The following RHOXF1 variants were observed in gnomAD, a reference collection of about 807,000 sequenced individuals.
The protein encoded by RHOXF1 is Rhox homeobox family member 1, also known as PEPP subfamily gene 1.
In RHOXF1, 1 loss-of-function variant was observed where a neutral mutation model predicts 9.7. The observed-to-expected ratio is 0.10, with a 90% CI of 0.04 to 0.49. The LOEUF is 0.49. RHOXF1 is among the 20% of genes least tolerant of loss of function. RHOXF1 has a pLI of 0.95. For missense variants in RHOXF1, 179 were observed against 168.0 expected, an observed-to-expected ratio of 1.07 and a Z score of -0.36; for synonymous variants, 72 against 70.2, an observed-to-expected ratio of 1.03 and a Z score of -0.13.
At chrX:120,112,058 A>G (rs1488003731) in intron 2 of RHOXF1, among the ~76,000 whole-genome samples, 2 of 111,630 alleles carry the variant, frequency 1.8e-5, no homozygotes, top group African/African-American at 6.5e-5. Flanking sequence ...AAACAAACAA[A>G]GAAGGACCAG....
At chrX:120,117,313 A>G (rs1233042319), upstream of RHOXF1, among the ~76,000 whole-genome samples, 3 of 111,113 alleles carry the variant, frequency 2.7e-5, no homozygotes, top group African/African-American at 9.8e-5. Flanking sequence ...GAAAGCGCTA[A>G]GAGAGTCTGT....
At chrX:120,110,934 A>T (rs781796849) in intron 2 of RHOXF1, among the ~76,000 whole-genome samples, 5 of 111,925 alleles carry the variant, frequency 4.5e-5, no homozygotes, top group Non-Finnish European at 9.4e-5. Context: ...CACTGGTCAA[A>T]TCTCTATAAA....
At chrX:120,109,776 G>A (rs950558104) in intron 2 of RHOXF1, among the ~76,000 whole-genome samples, 2 of 110,077 alleles carry the variant, frequency 1.8e-5, no homozygotes, top group African/African-American at 6.6e-5. Context: ...GTAGAGACAG[G>A]GTCTCGCTAT....
chrX:120,119,719 G>A, upstream of RHOXF1: 1 of 112,184 alleles, frequency 8.9e-6, no homozygotes, highest in South Asian at 3.7e-4. Flanking sequence ...ATCATGAACT[G>A]ATTAGTTAAG....
chrX:120,112,575 GTATT>G (rs2057275669), intron 2 of RHOXF1, among the ~76,000 whole-genome samples: 2 of 40,275 alleles, frequency 5.0e-5, no homozygotes, highest in East Asian at 7.7e-4. Context: ...TCATATGTAT[GTATT>G]TGTTTAATTT....
upstream of RHOXF1, among the ~76,000 whole-genome samples, chrX:120,118,543 CT>C (rs2057305540): frequency 1.8e-5 from 2 of 112,035 alleles, no homozygotes; most frequent in South Asian, 7.4e-4. Context: ...CTGTTTTATT[CT>C]TTTTCTTCAA....
At chrX:120,112,525 A>ATTATATATAATACATG (rs2057274620) in intron 2 of RHOXF1, among the ~76,000 whole-genome samples, 1 of 31,496 alleles carries the variant, frequency 3.2e-5, no homozygotes, top group African/African-American at 3.1e-4. Flanking sequence ...TAATACACAT[A>ATTATATATAATACATG]TGTATTATAT....
At position 120,115,517 on chromosome X, in the gene RHOXF1, C is replaced by T; in HGVS notation, c.346G>A (p.Glu116Lys). Reference protein sequence around the residue: ...RRTKFTLLQVEELESVFRHTQ... With the variant: ...RRTKFTLLQVKELESVFRHTQ... ...TGTCGGAAAACACTTTCCAGCTCCT[C>T]CACCTGCAACAGCGTGAACTTCGTG... is the stretch of plus-strand genomic sequence containing the variant. The change falls in exon 1 of 3, where the codon GAG becomes AAG. Residue 116 changes from glutamate (E) to lysine (K), a missense_variant. Transcript: ENST00000217999. 1 of 1,134,718 alleles carries T rather than the reference C, an allele frequency of 8.8e-7. No homozygotes were observed. Among genetic ancestry groups the T allele is most frequent in the Non-Finnish European group, 1.2e-6 (1 of 859,055 alleles). The allele number at this position is 1,134,718 out of a possible 1,213,427, so 93.5% of individuals were successfully genotyped here.
chrX:120,114,617 G>C (rs1293814249), intron 1 of RHOXF1, among the ~76,000 whole-genome samples: 2 of 111,351 alleles, frequency 1.8e-5, no homozygotes, highest in Non-Finnish European at 3.8e-5. Context: ...AAGCCACTCA[G>C]ATTTTAAAAT....
At chrX:120,113,450 T>C (rs2057279720) in intron 1 of RHOXF1, among the ~76,000 whole-genome samples, 1 of 109,035 alleles carries the variant, frequency 9.2e-6, no homozygotes, top group East Asian at 2.9e-4. Flanking sequence ...TAATGCATTA[T>C]TATTATTTTT....
At chrX:120,112,984 A>C in intron 1 of RHOXF1, 70 bp from the exon 2 acceptor site, 2 of 702,240 alleles carry the variant, frequency 2.8e-6, no homozygotes, top group Non-Finnish European at 4.4e-6. Flanking sequence ...AGTATGTACT[A>C]TTTACTTCAT....
intron 1 of RHOXF1, among the ~76,000 whole-genome samples, chrX:120,113,627 T>C (rs1166518476): frequency 9.3e-6 from 1 of 107,962 alleles, no homozygotes; most frequent in Non-Finnish European, 1.9e-5. Flanking sequence ...ATGGCTAATT[T>C]TTTAAGTTTT....
chrX:120,115,611 C>G lies in RHOXF1; in HGVS notation c.252G>C (p.Pro84=). ...TGGCCGCCTGGGCCGGCTCCTCCGG[C>G]GGGGGCTGCGGCTGCTGCCGAGGCT... ...NQEPRQQPQP[P]PEEPAQAAME... is the part of the protein sequence containing the mutation. The change falls in exon 1 of 3, where the codon CCG becomes CCC. Residue 84 remains proline, a synonymous_variant. Coordinates refer to ENST00000217999, the MANE Select transcript of RHOXF1 (RefSeq NM_139282.3). 8.6e-7 allele frequency: 1 copy of G among 1,165,611 alleles called. No individual in the cohort carries two copies. The highest frequency in any genetic ancestry group is 1.1e-6 in the Non-Finnish European group (1 of 872,837).
At chrX:120,117,312 AAG>A (rs1275925972), upstream of RHOXF1, among the ~76,000 whole-genome samples, 2 of 111,003 alleles carry the variant, frequency 1.8e-5, no homozygotes, top group African/African-American at 3.3e-5. Flanking sequence ...GGAAAGCGCT[AAG>A]AGAGTCTGTC....
rs781924199 is a variant in RHOXF1 at position 120,114,565 on chromosome X, C to A, written c.398+900G>T. Among the ~76,000 whole-genome samples the A allele has an allele frequency of 3.6e-5, 4 of 110,136 alleles. No individual in the cohort carries two copies. The East Asian group carries it at 1.1e-3, about 31-fold the overall frequency. ...TAATATCCAGAGTGTATAAAGAACTCCTACAACCCAATAACCAAAAAAAAA... is the reference window on the plus strand; with the variant it reads ...TAATATCCAGAGTGTATAAAGAACTACTACAACCCAATAACCAAAAAAAAA... On this transcript the variant is annotated intron_variant, in intron 1 of 2. Coordinates refer to ENST00000217999, the MANE Select transcript of RHOXF1 (RefSeq NM_139282.3).
At chrX:120,110,218 G>A (rs945475294) in intron 2 of RHOXF1, among the ~76,000 whole-genome samples, 1 of 112,036 alleles carries the variant, frequency 8.9e-6, no homozygotes, top group African/African-American at 3.2e-5. Context: ...CTTCCAGGAT[G>A]TCTAAGGGAT....
intron 1 of RHOXF1, among the ~76,000 whole-genome samples, chrX:120,113,730 A>G (rs1354473919): frequency 9.2e-6 from 1 of 108,808 alleles, no homozygotes; most frequent in Non-Finnish European, 1.9e-5. Context: ...AAAGCGCTGG[A>G]ATTACAGGCC....
At chrX:120,118,640 G>A (rs192922625), upstream of RHOXF1, among the ~76,000 whole-genome samples, 487 of 111,206 alleles carry the variant, frequency 4.4e-3, 5 homozygotes, top group Middle Eastern at 0.014. Flanking sequence ...TCTCTGACAT[G>A]CTTAAGATAA....
Position 120,109,180 on chromosome X carries a change from G to A in RHOXF1, c.*12C>T, listed in dbSNP as rs1555999386. On this transcript the variant is annotated 3_prime_UTR_variant, in exon 3 of 3. Transcript: ENST00000217999. ...TCCAAACTAGCTCCTGAAGAAGGAT[G>A]GCATTCTAGGGCTAGTCCACGACGA... The A allele has an allele frequency of 9.1e-7, 1 of 1,100,662 alleles. No homozygotes were observed. The highest frequency in any genetic ancestry group is 1.2e-6 in the Non-Finnish European group (1 of 804,735). The allele number at this position is 1,100,662 out of a possible 1,213,427, so 90.7% of individuals were successfully genotyped here. A position where few individuals can be genotyped will look rare whatever the true frequency, so the allele number is the denominator to read the frequency against.
Sources: gnomAD v4.1 joint callset for allele counts (sites outside exome capture counted in the v4.1 genomes callset) on GRCh38, gnomAD v4.1.1 for gene constraint, MANE v1.5 for transcripts, NCBI Gene and HGNC (gene_info 2026-07-23, HGNC 2026-07-21) for gene names.